The following MYO16 variants were observed in gnomAD, a reference collection of about 807,000 sequenced individuals.
The protein encoded by MYO16 is myosin XVI.
Under a neutral mutation model 205.3 loss-of-function variants are expected in MYO16, and 94 were observed. The observed-to-expected ratio is 0.46, with a 90% confidence interval of 0.39 to 0.54. MYO16 has a LOEUF of 0.54. Among genes scored for constraint, MYO16 ranks in the 20% least tolerant of loss-of-function variants. The pLI is 0.00. For missense variants in MYO16, 2,315 were observed against 2,387.5 expected, an observed-to-expected ratio of 0.97 and a Z score of 0.63; for synonymous variants, 988 against 954.0, an observed-to-expected ratio of 1.04 and a Z score of -0.66.
chr13:108,926,997 G>A (rs1181042539), intron 16 of MYO16, among the ~76,000 whole-genome samples: 1 of 152,052 alleles, frequency 6.6e-6, no homozygotes, highest in African/African-American at 2.4e-5. Context: ...CCCCTGGCAC[G>A]GTGCATATCT....
intron 2 of MYO16, among the ~76,000 whole-genome samples, chr13:108,711,519 A>C (rs1276243961): frequency 6.6e-6 from 1 of 152,216 alleles, no homozygotes. Context: ...TCACAGGCGG[A>C]GGCCTGTCTC....
At chr13:108,844,557 C>A in intron 10 of MYO16, 64 bp downstream of exon 10, 2 of 1,443,676 alleles carry the variant, frequency 1.4e-6, no homozygotes, top group South Asian at 1.5e-5. Flanking sequence ...ATTATAAAAT[C>A]CAACATATTT....
intron 34 of MYO16, among the ~76,000 whole-genome samples, chr13:109,206,316 G>A (rs949131621): frequency 1.3e-5 from 2 of 152,138 alleles, no homozygotes; most frequent in African/African-American, 4.8e-5. Context: ...AGTAATCGAG[G>A]GCATAGGTCA....
intron 1 of MYO16, among the ~76,000 whole-genome samples, chr13:108,609,911 G>A (rs1279113320): frequency 6.6e-6 from 1 of 152,112 alleles, no homozygotes; most frequent in Non-Finnish European, 1.5e-5. Flanking sequence ...CATCTGAAAG[G>A]ATGAATCATG....
intron 10 of MYO16, among the ~76,000 whole-genome samples, chr13:108,854,647 G>T (rs2139098750): frequency 6.6e-6 from 1 of 151,594 alleles, no homozygotes; most frequent in Admixed American, 6.6e-5. Flanking sequence ...TTATTCTTTT[G>T]CTCCTCTGTG....
intron 27 of MYO16, among the ~76,000 whole-genome samples, chr13:109,067,718 T>C (rs1276997840): frequency 2.0e-5 from 3 of 152,068 alleles, no homozygotes; most frequent in Non-Finnish European, 4.4e-5. Flanking sequence ...CCAGTTAATT[T>C]TGTAGAGTTT....
intron 27 of MYO16, among the ~76,000 whole-genome samples, chr13:109,069,737 C>A (rs1186574367): frequency 6.6e-6 from 1 of 152,076 alleles, no homozygotes; most frequent in Non-Finnish European, 1.5e-5. Flanking sequence ...GGGCCCCACC[C>A]TTATGACCTA....
chr13:109,147,966 C>T (rs1877431363), intron 32 of MYO16, among the ~76,000 whole-genome samples: 1 of 152,030 alleles, frequency 6.6e-6, no homozygotes, highest in Admixed American at 6.6e-5. Flanking sequence ...TCTTCCTTTG[C>T]CATGTTAATA....
At chr13:108,884,778 G>A (rs1478280809) in intron 13 of MYO16, among the ~76,000 whole-genome samples, 4 of 152,132 alleles carry the variant, frequency 2.6e-5, no homozygotes, top group African/African-American at 7.2e-5. Context: ...ACTGAGGCGG[G>A]GGCTCCAACC....
At chr13:108,827,980 G>A (rs912431306) in intron 9 of MYO16, among the ~76,000 whole-genome samples, 6 of 151,620 alleles carry the variant, frequency 4.0e-5, no homozygotes, top group South Asian at 2.1e-4. Context: ...GTAGTTCATT[G>A]ATGAAAGGGT....
At chr13:108,815,447 G>A (rs1594315771) in intron 7 of MYO16, among the ~76,000 whole-genome samples, 1 of 152,258 alleles carries the variant, frequency 6.6e-6, no homozygotes, top group Non-Finnish European at 1.5e-5. Flanking sequence ...GAGTGTGACT[G>A]TGGAAAAATG....
Position 109,140,655 on chromosome 13 carries a change from G to A in MYO16, c.4443G>A (p.Leu1481=), listed in dbSNP as rs1437970198. 1.3e-6 allele frequency: 2 copies of A among 1,497,522 alleles called. No individual in the cohort carries two copies. The highest frequency in any genetic ancestry group is 5.6e-5 in the East Asian group (2 of 35,630). The allele number at this position is 1,497,522 out of a possible 1,614,324, so 92.8% of individuals were successfully genotyped here. The change falls in exon 32 of 35, where the codon CTG becomes CTA. Residue 1481 remains leucine, a synonymous_variant. Coordinates refer to ENST00000457511, the MANE Select transcript of MYO16 (RefSeq NM_001198950.3). This position sits in a 1 kb window ranked among gnomAD's most constrained non-coding sequence, Gnocchi z 8.0. ...TGCTCCACGGCGCATCGCCGCCCCT[G>A]CTCCACCGCGCGCCGGAGGACGAGG... ...SFLLHGASPP[L]LHRAPEDEAA...
In MYO16 at chr13:108,844,492, A is replaced by G; in HGVS notation, c.1247A>G (p.Gln416Arg). ...PMMSGSTKPE[Q>R]VKLMPPAPND... The stretch of plus-strand genomic sequence containing the variant: ...ATGAGCGGTTCCACCAAACCCGAGC[A>G]GGTAATCATGCTTTCACTGTGTGTC... Residue 416 changes from glutamine to arginine, a missense_variant and splice_region_variant, in exon 10 of 35, where the codon CAG becomes CGG. Gln to Arg is a conservative substitution (Grantham distance 43). Coordinates refer to ENST00000457511, the MANE Select transcript of MYO16 (RefSeq NM_001198950.3). The G allele has an allele frequency of 6.2e-7, 1 of 1,604,896 alleles. No homozygotes were observed. Among genetic ancestry groups the G allele is most frequent in the Non-Finnish European group, 8.5e-7 (1 of 1,173,810 alleles).
intron 4 of MYO16, among the ~76,000 whole-genome samples, chr13:108,765,725 G>A (rs538788686): frequency 1.3e-5 from 2 of 152,256 alleles, no homozygotes; most frequent in East Asian, 1.9e-4. Flanking sequence ...GGACTTCTGA[G>A]TATGACTGTA....
At position 109,055,246 on chromosome 13, in the gene MYO16, TAC is replaced by T. The variant is rs10557146; in HGVS notation, c.3130-116_3130-115del. The T allele has an allele frequency of 0.45, 289,550 of 650,086 alleles. 36,199 individuals are homozygous for T. Among genetic ancestry groups the T allele is most frequent in the East Asian group, 0.61 (20,265 of 33,130 alleles). 40.3% of individuals were successfully genotyped at this position (650,086 alleles called of 1,614,324 possible). A position where few individuals can be genotyped will look rare whatever the true frequency, so the allele number is the denominator to read the frequency against. On this transcript the variant is annotated intron_variant, in intron 26 of 34. Coordinates refer to ENST00000457511, the MANE Select transcript of MYO16 (RefSeq NM_001198950.3). This position sits in a 1 kb window ranked among gnomAD's most constrained non-coding sequence, Gnocchi z 5.0. ...AATATCTTCACAAAAAAAGTAAACA[TAC>T]ACACACACACACACACACACACACA...
intron 29 of MYO16, among the ~76,000 whole-genome samples, chr13:109,121,457 G>A (rs1731937774): frequency 6.6e-6 from 1 of 152,156 alleles, no homozygotes; most frequent in Non-Finnish European, 1.5e-5. Context: ...AGCACTTCAG[G>A]GACTTCCTTC....
the MYO16 span, among the ~76,000 whole-genome samples, chr13:108,496,130 C>T: frequency 6.6e-6 from 1 of 152,094 alleles, no homozygotes; most frequent in Non-Finnish European, 1.5e-5. Context: ...GTCTGGGGGG[C>T]GTGGAGAGGA....
At chr13:108,943,207 G>A (rs112611444) in intron 16 of MYO16, among the ~76,000 whole-genome samples, 2 of 152,252 alleles carry the variant, frequency 1.3e-5, no homozygotes, top group African/African-American at 2.4e-5. Flanking sequence ...GTCCACACTA[G>A]GAAAATTAAT....
At chr13:108,902,222 G>T (rs765861718) in intron 15 of MYO16, among the ~76,000 whole-genome samples, 1 of 152,156 alleles carries the variant, frequency 6.6e-6, no homozygotes, top group Non-Finnish European at 1.5e-5. Flanking sequence ...CGTCTGCCAC[G>T]CACTCTCTCA....
Sources: gnomAD v4.1 joint callset for allele counts (sites outside exome capture counted in the v4.1 genomes callset) on GRCh38, gnomAD v4.1.1 for gene constraint, Gnocchi (gnomAD v3.1) non-coding constraint, MANE v1.5 for transcripts, NCBI Gene and HGNC (gene_info 2026-07-23, HGNC 2026-07-21) for gene names.